Variants in FTCDNL1 observed in about 807,000 individuals in gnomAD.
FTCDNL1 encodes formiminotransferase cyclodeaminase N-terminal like.
A neutral mutation model predicts 5.9 loss-of-function variants in FTCDNL1; 11 were observed. The observed-to-expected ratio is 1.87, with a 90% CI of 1.18 to 3.10. The LOEUF is 3.10. Ranked by LOEUF, FTCDNL1 falls within the 30% of genes most tolerant of loss-of-function variation. FTCDNL1 has a pLI of 0.00. For missense variants in FTCDNL1, 115 were observed against 65.5 expected (o/e 1.76, Z -2.61); for synonymous variants, 58 against 24.8 (o/e 2.34, Z -3.99).
the FTCDNL1 span, among the ~76,000 whole-genome samples, chr2:199,737,508 C>T: frequency 6.6e-6 from 1 of 152,138 alleles, no homozygotes; most frequent in Admixed American, 6.6e-5. Context: ...CTAAATATAT[C>T]AACAGAAAGG....
the FTCDNL1 span, among the ~76,000 whole-genome samples, chr2:199,710,334 G>A: frequency 5.9e-5 from 9 of 152,070 alleles, no homozygotes; most frequent in Non-Finnish European, 8.8e-5. Flanking sequence ...TTTTTCAGGT[G>A]TGAGTTATGG....
At chr2:199,736,715 C>T in the FTCDNL1 span, among the ~76,000 whole-genome samples, 1 of 152,216 alleles carries the variant, frequency 6.6e-6, no homozygotes, top group Non-Finnish European at 1.5e-5. Flanking sequence ...TGACTAGTGT[C>T]ATTCGGCATC....
chr2:199,806,544 G>GT (rs1700736131), downstream of FTCDNL1, among the ~76,000 whole-genome samples: 1 of 152,236 alleles, frequency 6.6e-6, no homozygotes, highest in Admixed American at 6.5e-5. Context: ...CTCTCACAGA[G>GT]TGGTCCTTTG....
At chr2:199,707,893 G>A in the FTCDNL1 span, among the ~76,000 whole-genome samples, 2 of 151,908 alleles carry the variant, frequency 1.3e-5, no homozygotes, top group Non-Finnish European at 2.9e-5. Flanking sequence ...TGGCTTTATA[G>A]GAGTTTGATT....
chr2:199,754,256 C>T, the FTCDNL1 span, among the ~76,000 whole-genome samples: 1 of 152,148 alleles, frequency 6.6e-6, no homozygotes. Context: ...TGAGTGTGGT[C>T]ATGGGGCCAA....
At chr2:199,712,737 C>T in the FTCDNL1 span, among the ~76,000 whole-genome samples, 38 of 152,324 alleles carry the variant, frequency 2.5e-4, no homozygotes, top group South Asian at 7.9e-3. Context: ...CAAGCCTTGG[C>T]ATTTCTTGGC....
At chr2:199,833,081 A>C (rs763598637) in intron 3 of FTCDNL1, among the ~76,000 whole-genome samples, 1 of 150,406 alleles carries the variant, frequency 6.6e-6, no homozygotes, top group Non-Finnish European at 1.5e-5. Context: ...CAATCCTCCC[A>C]CCTCAGCCTC....
intron 3 of FTCDNL1, among the ~76,000 whole-genome samples, chr2:199,822,914 G>A (rs776915425): frequency 1.3e-5 from 2 of 152,282 alleles, no homozygotes; most frequent in Middle Eastern, 3.4e-3. Context: ...GCACTGGCAT[G>A]ATGTATGCTC....
At chr2:199,807,812 G>T (rs538361094), downstream of FTCDNL1, among the ~76,000 whole-genome samples, 2 of 152,204 alleles carry the variant, frequency 1.3e-5, no homozygotes, top group South Asian at 4.1e-4. Flanking sequence ...ATACATATTT[G>T]TATCTATTAG....
At chr2:199,742,168 T>A in the FTCDNL1 span, among the ~76,000 whole-genome samples, 1 of 151,998 alleles carries the variant, frequency 6.6e-6, no homozygotes, top group Non-Finnish European at 1.5e-5. Flanking sequence ...GTTCATCTGA[T>A]CCCCTCCTAA....
Position 199,843,963 on chromosome 2 carries a change from A to AT in FTCDNL1, c.211+2111_211+2112insA, listed in dbSNP as rs544128140. On this transcript the variant is annotated intron_variant, in intron 3 of 4. Coordinates refer to ENST00000420128, the MANE Select transcript of FTCDNL1 (RefSeq NM_001363886.2). ...CACAGGGAAAAAAGGAAAAAAAAAA[A>AT]GTCAAAGGAAAAAGGGGTAAGAGTT... Among the ~76,000 whole-genome samples the AT allele has an allele frequency of 8.7e-3, 1,286 of 148,234 alleles. 10 individuals carry two copies. Among genetic ancestry groups the AT allele is most frequent in the Non-Finnish European group, 0.014 (908 of 66,726 alleles).
chr2:199,712,122 G>A, the FTCDNL1 span, among the ~76,000 whole-genome samples: 4 of 152,092 alleles, frequency 2.6e-5, no homozygotes, highest in East Asian at 1.9e-4. Context: ...AAATGGCCAA[G>A]AGTAAAAATC....
intron 3 of FTCDNL1, among the ~76,000 whole-genome samples, chr2:199,774,425 T>C (rs1203558601): frequency 2.6e-5 from 4 of 152,166 alleles, no homozygotes; most frequent in Non-Finnish European, 5.9e-5. Flanking sequence ...CTGGACAGAT[T>C]ATGTTGGAAT....
Position 199,812,106 on chromosome 2 carries a change from T to G in FTCDNL1, c.*599A>C, listed in dbSNP as rs1027490228. Among the ~76,000 whole-genome samples, 1 of 152,216 alleles carries G rather than the reference T, an allele frequency of 6.6e-6. No individual in the cohort carries two copies. Among genetic ancestry groups the G allele is most frequent in the Non-Finnish European group, 1.5e-5 (1 of 68,040 alleles). ...TTATATGTATTTTAAATTCTTCTAG[T>G]AAGCTTTAGTTACACAATATTTTTG... On this transcript the variant is annotated 3_prime_UTR_variant, in exon 5 of 5. Transcript: ENST00000420128.
the FTCDNL1 span, among the ~76,000 whole-genome samples, chr2:199,741,483 G>A: frequency 2.0e-5 from 3 of 151,964 alleles, no homozygotes; most frequent in East Asian, 5.8e-4. Flanking sequence ...TTTTTAATTA[G>A]CAGTCCCTTT....
chr2:199,737,911 T>A, the FTCDNL1 span, among the ~76,000 whole-genome samples: 3 of 152,220 alleles, frequency 2.0e-5, no homozygotes, highest in Non-Finnish European at 4.4e-5. Context: ...ATTTGTATGA[T>A]ACTTGAACCT....
At chr2:199,797,036 T>C (rs1488782488) in intron 3 of FTCDNL1, among the ~76,000 whole-genome samples, 2 of 152,164 alleles carry the variant, frequency 1.3e-5, no homozygotes, top group Non-Finnish European at 2.9e-5. Context: ...AATCCCCTTT[T>C]ATATGATCAA....
chr2:199,676,839 G>C, the FTCDNL1 span, among the ~76,000 whole-genome samples: 2 of 152,100 alleles, frequency 1.3e-5, no homozygotes, highest in East Asian at 3.9e-4. Context: ...ACATGGAAAA[G>C]AAATAATGAT....
the FTCDNL1 span, among the ~76,000 whole-genome samples, chr2:199,666,936 T>C: frequency 6.6e-6 from 1 of 151,592 alleles, no homozygotes; most frequent in Non-Finnish European, 1.5e-5. Context: ...AGTGATACCT[T>C]TGGGGATCTA....
Sources: allele counts gnomAD v4.1 joint callset (sites outside exome capture counted in the v4.1 genomes callset), GRCh38; gene constraint gnomAD v4.1.1; transcripts MANE v1.5; gene names NCBI Gene and HGNC (gene_info 2026-07-23, HGNC 2026-07-21).